Variants in ETV3L observed in about 807,000 individuals in gnomAD.
ETV3L encodes ETS variant transcription factor 3 like.
ETV3L carries 30 observed loss-of-function variants against 27.6 expected under a neutral mutation model. That is an observed-to-expected ratio of 1.09 (90% CI 0.81 to 1.48). The LOEUF (loss-of-function observed/expected upper bound fraction) is 1.48, where lower values mean the gene tolerates loss of function less well. Among genes scored for constraint, ETV3L ranks in the 40% most tolerant of loss-of-function variants. The pLI, the probability that ETV3L is intolerant of heterozygous loss-of-function variation, is 0.00. For missense variants in ETV3L, 443 were observed against 455.6 expected, an observed-to-expected ratio of 0.97 and a Z score of 0.25; for synonymous variants, 186 against 188.9, an observed-to-expected ratio of 0.98 and a Z score of 0.12.
At chr1:157,098,633 A>T in intron 3 of ETV3L, 73 bp downstream of exon 3, 2 of 1,381,816 alleles carry the variant, frequency 1.4e-6, no homozygotes, top group Non-Finnish European at 1.9e-6. Context: ...GGCAAAGAGG[A>T]GGGTGGGGAG....
At chr1:157,095,735 C>T (rs564813863) in intron 4 of ETV3L, among the ~76,000 whole-genome samples, 2 of 152,060 alleles carry the variant, frequency 1.3e-5, no homozygotes, top group Admixed American at 6.5e-5. Flanking sequence ...CCAGGCCCAG[C>T]GAGTCCCAGC....
At position 157,099,507 on chromosome 1, in the gene ETV3L, A is replaced by G; in HGVS notation, c.17T>C (p.Leu6Ser). The G allele has an allele frequency of 1.2e-6, 2 of 1,612,342 alleles. No individual in the cohort carries two copies. The highest frequency in any genetic ancestry group is 1.7e-6 in the Non-Finnish European group (2 of 1,179,362). Residue 6 changes from leucine (L) to serine (S), a missense_variant, in exon 1 of 5, where the codon TTG (leucine) becomes TCG (serine). Transcript: ENST00000454449. Reference protein sequence around the residue: MHCSCLAEGIPANPGN... With the variant: MHCSCSAEGIPANPGN... Reference sequence around the variant, plus strand: ...GGGGTTGGCTGGGATGCCCTCAGCCAAGCAGCTGCAGTGCATGGTCCACTC... The same window carrying G: ...GGGGTTGGCTGGGATGCCCTCAGCCGAGCAGCTGCAGTGCATGGTCCACTC...
At chr1:157,098,391 T>A (rs969676050) in intron 3 of ETV3L, among the ~76,000 whole-genome samples, 2 of 151,986 alleles carry the variant, frequency 1.3e-5, no homozygotes, top group African/African-American at 4.8e-5. Context: ...CCACCACGCC[T>A]GGCCTCTCAT....
chr1:157,095,630 C>T (rs1464119908), intron 4 of ETV3L, among the ~76,000 whole-genome samples: 1 of 149,218 alleles, frequency 6.7e-6, no homozygotes, highest in Non-Finnish European at 1.5e-5. Context: ...GAGAGAAGCT[C>T]TCTGCCCAAG....
In ETV3L at chr1:157,097,861, C is replaced by T. The variant is rs748596689; in HGVS notation, c.607+7G>A. The T allele has an allele frequency of 1.4e-5, 23 of 1,611,626 alleles. No individual in the cohort carries two copies. The highest frequency in any genetic ancestry group is 2.0e-5 in the Non-Finnish European group (23 of 1,179,332). On this transcript the variant is annotated splice_region_variant and intron_variant, in intron 4 of 4. Transcript: ENST00000454449. The stretch of plus-strand genomic sequence containing the variant: ...CCCCCTGGGCCCTCCCAGCCTTGAG[C>T]ACTCACGGTAGACGCTGCTGCTGCT...
chr1:157,097,804 G>A, intron 4 of ETV3L, 64 bp downstream of exon 4: 1 of 1,595,382 alleles, frequency 6.3e-7, no homozygotes, highest in Non-Finnish European at 8.6e-7. Context: ...CATGTACTCA[G>A]CCAGGAGGGC....
In ETV3L at chr1:157,097,863, C is replaced by T; in HGVS notation, c.607+5G>A. On this transcript the variant is annotated splice_donor_5th_base_variant and intron_variant, in intron 4 of 4. Transcript: ENST00000454449. ...CCCTGGGCCCTCCCAGCCTTGAGCA[C>T]TCACGGTAGACGCTGCTGCTGCTCC... The T allele has an allele frequency of 8.1e-6, 13 of 1,612,632 alleles. No homozygotes were observed. Among genetic ancestry groups the T allele is most frequent in the Non-Finnish European group, 1.1e-5 (13 of 1,179,814 alleles).
Position 157,098,906 on chromosome 1 carries a change from C to G in ETV3L, c.297-11G>C. 1 of 1,603,890 alleles carries G rather than the reference C, an allele frequency of 6.2e-7. No individual in the cohort carries two copies. The highest frequency in any genetic ancestry group is 8.5e-7 in the Non-Finnish European group (1 of 1,174,566). Reference sequence around the variant, plus strand: ...TTATTGTAGTAATATCTGGAGAATTCGAAGTTGAGAATAGAGTTGGCCCAG... The same window carrying G: ...TTATTGTAGTAATATCTGGAGAATTGGAAGTTGAGAATAGAGTTGGCCCAG... On this transcript the variant is annotated splice_polypyrimidine_tract_variant and intron_variant, in intron 2 of 4. Transcript: ENST00000454449.
chr1:157,093,817 C>T (rs965520245), intron 4 of ETV3L, among the ~76,000 whole-genome samples: 1 of 152,072 alleles, frequency 6.6e-6, no homozygotes, highest in Non-Finnish European at 1.5e-5. Context: ...CTTTAGGCCT[C>T]ATCATAAATA....
intron 4 of ETV3L, among the ~76,000 whole-genome samples, chr1:157,097,302 G>A (rs926792631): frequency 1.3e-5 from 2 of 151,492 alleles, no homozygotes; most frequent in East Asian, 1.9e-4. Flanking sequence ...GTGAAACCCC[G>A]TCTTTACTAA....
chr1:157,092,626 CA>C lies in ETV3L; in HGVS notation c.*22del, dbSNP rs1433405761. 1.9e-6 allele frequency: 3 copies of C among 1,564,120 alleles called. No homozygotes were observed. Among genetic ancestry groups the C allele is most frequent in the Non-Finnish European group, 2.6e-6 (3 of 1,152,762 alleles). On this transcript the variant is annotated 3_prime_UTR_variant, in exon 5 of 5. Transcript: ENST00000454449. The stretch of plus-strand genomic sequence containing the variant: ...AGATGGACTTTGGAGGACTCCTCCC[CA>C]ACTTCCCACCTTCCTCTCTAGTTAA...
At chr1:157,093,908 T>A (rs575443386) in intron 4 of ETV3L, among the ~76,000 whole-genome samples, 52 of 152,202 alleles carry the variant, frequency 3.4e-4, no homozygotes, top group Non-Finnish European at 6.3e-4. Context: ...CATGAACCTC[T>A]CCTCCAAGGG....
In ETV3L at chr1:157,092,932, T is replaced by C. The variant is rs547127810; in HGVS notation, c.803A>G (p.Asp268Gly). 21 of 1,614,052 alleles carry C rather than the reference T, an allele frequency of 1.3e-5. No individual in the cohort carries two copies. Among genetic ancestry groups the C allele is most frequent in the Non-Finnish European group, 1.7e-5 (20 of 1,179,950 alleles). ...GCTCCTAGGTCCTGGGAGCAGGATG[T>C]CTGGCTTAAAAGCCCCTGGGAGCTG... ...EQQLPGAFKP[D>G]ILLPGPRSLP... Residue 268 changes from aspartate (D) to glycine (G), a missense_variant, in exon 5 of 5, where the codon GAC (aspartate) becomes GGC (glycine). Coordinates refer to ENST00000454449, the MANE Select transcript of ETV3L (RefSeq NM_001004341.2).
At position 157,098,817 on chromosome 1, in the gene ETV3L, G is replaced by A. The variant is rs1198448153; in HGVS notation, c.375C>T (p.Ile125=). ...CTTCCCACAAAGGATAGTTGACTAC[G>A]ATGAGCTTGCTGAAGTTGAACTTGT... ...FTYKFNFSKL[I]VVNYPLWEVR... The change falls in exon 3 of 5, where the codon ATC becomes ATT. Residue 125 remains isoleucine, a synonymous_variant. Coordinates refer to ENST00000454449, the MANE Select transcript of ETV3L (RefSeq NM_001004341.2). 3.7e-6 allele frequency: 6 copies of A among 1,614,056 alleles called. No homozygotes were observed.
intron 1 of ETV3L, 21 bp downstream of exon 1, chr1:157,099,445 A>T: frequency 6.2e-7 from 1 of 1,614,008 alleles, no homozygotes; most frequent in South Asian, 1.1e-5. Context: ...AGCAGGGGGT[A>T]GGCCCGGCCA....
At chr1:157,098,989 C>T in intron 2 of ETV3L, 94 bp from the exon 3 acceptor site, 1 of 1,493,654 alleles carries the variant, frequency 6.7e-7, no homozygotes, top group Non-Finnish European at 9.1e-7. Flanking sequence ...CGGGCTGACC[C>T]TAAGCTGTTC....
At position 157,092,698 on chromosome 1, in the gene ETV3L, G is replaced by A; in HGVS notation, c.1037C>T (p.Ser346Phe). 2 of 1,613,836 alleles carry A rather than the reference G, an allele frequency of 1.2e-6. No individual in the cohort carries two copies. Residue 346 changes from serine to phenylalanine, a missense_variant, in exon 5 of 5, where the codon TCC (serine) becomes TTC (phenylalanine). Transcript: ENST00000454449. Reference protein sequence around the residue: ...RLKTGEESLTSPNLENLKAVW... With the variant: ...RLKTGEESLTFPNLENLKAVW... The stretch of plus-strand genomic sequence containing the variant: ...TGCTTTGAGGTTCTCCAGATTGGGG[G>A]AAGTAAGGCTTTCCTCCCCAGTTTT...
chr1:157,095,694 T>C (rs1674206035), intron 4 of ETV3L, among the ~76,000 whole-genome samples: 1 of 152,008 alleles, frequency 6.6e-6, no homozygotes, highest in East Asian at 1.9e-4. Flanking sequence ...GGGAGGACTG[T>C]TCAGGTGCTA....
intron 4 of ETV3L, 30 bp downstream of exon 4, chr1:157,097,838 C>A (rs753356825): frequency 1.2e-6 from 2 of 1,611,344 alleles, no homozygotes; most frequent in South Asian, 2.2e-5. Flanking sequence ...GCTAAGATCC[C>A]CCTGGGCCCT....
Sources: allele counts gnomAD v4.1 joint callset (sites outside exome capture counted in the v4.1 genomes callset), GRCh38; gene constraint gnomAD v4.1.1; transcripts MANE v1.5; gene names NCBI Gene and HGNC (gene_info 2026-07-23, HGNC 2026-07-21).